UMPS: variants seen among roughly 807,000 people sequenced by gnomAD.
UMPS encodes uridine monophosphate synthetase.
A neutral mutation model predicts 38.9 loss-of-function variants in UMPS; 21 were observed. That is an observed-to-expected ratio of 0.54 (90% CI 0.38 to 0.78). The LOEUF is 0.78. UMPS is among the 30% of genes least tolerant of loss of function. The pLI is 0.00. For missense variants in UMPS, 533 were observed against 591.6 expected, an observed-to-expected ratio of 0.90 and a Z score of 1.03; for synonymous variants, 208 against 219.3, an observed-to-expected ratio of 0.95 and a Z score of 0.45.
chr3:124,734,116 T>C (rs1173584074), intron 1 of UMPS, among the ~76,000 whole-genome samples: 1 of 152,174 alleles, frequency 6.6e-6, no homozygotes, highest in Non-Finnish European at 1.5e-5. Flanking sequence ...TAAGATAATA[T>C]GTTAATATTT....
intron 5 of UMPS, 122 bp from the exon 6 acceptor site, chr3:124,743,793 G>A: frequency 8.0e-7 from 1 of 1,250,636 alleles, no homozygotes; most frequent in Non-Finnish European, 1.1e-6. Context: ...CTGTACAAAA[G>A]GGGAACGAAA....
chr3:124,731,225 C>T (rs542682796), intron 1 of UMPS, among the ~76,000 whole-genome samples: 2 of 151,858 alleles, frequency 1.3e-5, no homozygotes, highest in South Asian at 4.2e-4. Context: ...ACAAATAGAC[C>T]GGGAAAACGT....
At chr3:124,738,325 TC>T (rs1413701458) in intron 3 of UMPS, 86 bp downstream of exon 3, 1 of 1,442,990 alleles carries the variant, frequency 6.9e-7, no homozygotes, top group East Asian at 2.4e-5. Context: ...TCATTGAAAG[TC>T]CATTCATAGA....
At chr3:124,731,397 T>C (rs2150890295) in intron 1 of UMPS, 2 of 274,886 alleles carry the variant, frequency 7.3e-6, no homozygotes, top group African/African-American at 2.2e-5. Context: ...ATTTTGTCCC[T>C]GACTAGCTGC....
intron 3 of UMPS, among the ~76,000 whole-genome samples, chr3:124,739,450 GCCTCCCA>G: frequency 6.6e-6 from 1 of 152,078 alleles, no homozygotes; most frequent in Non-Finnish European, 1.5e-5. Context: ...TCCCACCTCA[GCCTCCCA>G]AGTAGCTGGG....
At chr3:124,735,346 T>G (rs2063510463) in intron 2 of UMPS, 100 bp downstream of exon 2, 1 of 1,158,924 alleles carries the variant, frequency 8.6e-7, no homozygotes. Context: ...CCAGTCATCT[T>G]GAGTTCTTTA....
chr3:124,743,831 G>T (rs1475106636), intron 5 of UMPS, 84 bp from the exon 6 acceptor site: 5 of 1,557,002 alleles, frequency 3.2e-6, no homozygotes, highest in Middle Eastern at 1.7e-4. Context: ...TTTAAAGCTG[G>T]TTAGATACTT....
rs2063593005 is a variant in UMPS, at chr3:124,745,906, A to G, written c.*1822A>G. 5 of 454,048 alleles carry G rather than the reference A, an allele frequency of 1.1e-5. No individual in the cohort carries two copies. Among genetic ancestry groups the G allele is most frequent in the Non-Finnish European group, 2.2e-5 (5 of 226,764 alleles). The allele number at this position is 454,048 out of a possible 1,614,324, so 28.1% of individuals were successfully genotyped here. ...TTTAGCAGGTATCAGAGTCACCTGG[A>G]GTCTTGTCAAAACAGGTACCAGCCC... is the stretch of plus-strand genomic sequence containing the variant. On this transcript the variant is annotated 3_prime_UTR_variant, in exon 6 of 6. Coordinates refer to ENST00000232607, the MANE Select transcript of UMPS (RefSeq NM_000373.4).
chr3:124,736,171 G>A (rs985037626), intron 2 of UMPS, among the ~76,000 whole-genome samples: 4 of 152,154 alleles, frequency 2.6e-5, no homozygotes, highest in African/African-American at 9.7e-5. Context: ...GCTGAGGCAG[G>A]AGGATGCCTT....
At chr3:124,741,846 C>T (rs546660129) in intron 4 of UMPS, among the ~76,000 whole-genome samples, 4 of 152,100 alleles carry the variant, frequency 2.6e-5, no homozygotes, top group African/African-American at 9.6e-5. Flanking sequence ...TCTAAGATGA[C>T]CTGTTTCAGA....
chr3:124,748,916 C>T lies in UMPS; in HGVS notation c.*4832C>T, dbSNP rs1394044969. ...ACCTGGTGGGCCTGAGAGTCTCAATCGTCAGGTAAGGACAGTCAGTGGGAA... is the reference window on the plus strand; with the variant it reads ...ACCTGGTGGGCCTGAGAGTCTCAATTGTCAGGTAAGGACAGTCAGTGGGAA... On this transcript the variant is annotated 3_prime_UTR_variant, in exon 6 of 6. Coordinates refer to ENST00000232607, the MANE Select transcript of UMPS (RefSeq NM_000373.4). The T allele has an allele frequency of 6.7e-6, 3 of 446,326 alleles. No individual in the cohort carries two copies. The highest frequency in any genetic ancestry group is 7.0e-5 in the East Asian group (1 of 14,258). The allele number at this position is 446,326 out of a possible 1,614,324, so 27.6% of individuals were successfully genotyped here.
At position 124,746,451 on chromosome 3, in the gene UMPS, C is replaced by T; in HGVS notation, c.*2367C>T. ...GCAGGCCTCTTACCTAAGCAGAATC[C>T]CAGTCTGGCATCAAAGCTTTAGAGG... On this transcript the variant is annotated 3_prime_UTR_variant, in exon 6 of 6. Transcript: ENST00000232607. The T allele has an allele frequency of 2.2e-6, 1 of 454,126 alleles. No individual in the cohort carries two copies. Among genetic ancestry groups the T allele is most frequent in the South Asian group, 1.6e-5 (1 of 64,480 alleles). The allele number at this position is 454,126 out of a possible 1,614,324, so 28.1% of individuals were successfully genotyped here.
Position 124,744,887 on chromosome 3 carries a change from C to G in UMPS, c.*803C>G, listed in dbSNP as rs913483960. The G allele has an allele frequency of 6.6e-6, 3 of 453,988 alleles. No homozygotes were observed. Among genetic ancestry groups the G allele is most frequent in the African/African-American group, 2.0e-5 (1 of 50,004 alleles). The allele number at this position is 453,988 out of a possible 1,614,324, so 28.1% of individuals were successfully genotyped here. ...TATCCACATGGGCTGGTTCCCAGAACTGCCATTGCTCACTCTCCAAAGAGG... is the reference window on the plus strand; with the variant it reads ...TATCCACATGGGCTGGTTCCCAGAAGTGCCATTGCTCACTCTCCAAAGAGG... On this transcript the variant is annotated 3_prime_UTR_variant, in exon 6 of 6. Transcript: ENST00000232607.
chr3:124,746,110 T>C lies in UMPS; in HGVS notation c.*2026T>C. ...GACAGCCTTGAGGTCTGCCTCCTGC[T>C]AAGAGTCACATGCTCCTGTCCTTTA... On this transcript the variant is annotated 3_prime_UTR_variant, in exon 6 of 6. Transcript: ENST00000232607. The C allele has an allele frequency of 2.2e-6, 1 of 454,082 alleles. No homozygotes were observed. Among genetic ancestry groups the C allele is most frequent in the Non-Finnish European group, 4.4e-6 (1 of 226,744 alleles). 28.1% of individuals were successfully genotyped at this position (454,082 alleles called of 1,614,324 possible).
In UMPS at chr3:124,748,549, C is replaced by T. The variant is rs2063620399; in HGVS notation, c.*4465C>T. The T allele has an allele frequency of 2.2e-6, 1 of 454,016 alleles. No individual in the cohort carries two copies. Among genetic ancestry groups the T allele is most frequent in the Non-Finnish European group, 4.4e-6 (1 of 226,810 alleles). The allele number at this position is 454,016 out of a possible 1,614,324, so 28.1% of individuals were successfully genotyped here. ...CCTTCCCACCAAGGGGGAAAGTCTT[C>T]CTCTAGACAAGAGGCAGAGGGCTCC... On this transcript the variant is annotated 3_prime_UTR_variant, in exon 6 of 6. Transcript: ENST00000232607.
intron 5 of UMPS, 124 bp from the exon 6 acceptor site, chr3:124,743,791 A>T: frequency 8.2e-7 from 1 of 1,223,154 alleles, no homozygotes; most frequent in Non-Finnish European, 1.2e-6. Context: ...TGCTGTACAA[A>T]AGGGGAACGA....
In UMPS at chr3:124,747,080, C is replaced by G; in HGVS notation, c.*2996C>G. 2.2e-6 allele frequency: 1 copy of G among 453,582 alleles called. No homozygotes were observed. Among genetic ancestry groups the G allele is most frequent in the Non-Finnish European group, 4.4e-6 (1 of 226,486 alleles). The allele number at this position is 453,582 out of a possible 1,614,324, so 28.1% of individuals were successfully genotyped here. On this transcript the variant is annotated 3_prime_UTR_variant, in exon 6 of 6. Transcript: ENST00000232607. ...TGGAGTATATCATGGCTCACTGCAA[C>G]CTTGACTTGGGCTCAAGCGATCCGC...
At chr3:124,743,799 C>T (rs17843844) in intron 5 of UMPS, 116 bp from the exon 6 acceptor site, 41,749 of 1,338,132 alleles carry the variant, frequency 0.031, 791 homozygotes, top group Non-Finnish European at 0.038. Flanking sequence ...AAAAGGGGAA[C>T]GAAAGTAGGG....
chr3:124,735,130 G>T lies in UMPS; in HGVS notation c.194G>T (p.Gly65Val). The change falls in exon 2 of 6, where the codon GGC (glycine) becomes GTC (valine). Residue 65 changes from glycine (G) to valine (V), a missense_variant. By Grantham distance (109) the Gly-to-Val change is moderately radical (BLOSUM62 -3). Transcript: ENST00000232607. Reference sequence around the variant, plus strand: ...TTATTCCAAACTGCCCAAAATGCAGGCATCAGTTTTGACACCGTGTGTGGA... The same window carrying T: ...TTATTCCAAACTGCCCAAAATGCAGTCATCAGTTTTGACACCGTGTGTGGA... Reference protein sequence around the residue: ...DILFQTAQNAGISFDTVCGVP... With the variant: ...DILFQTAQNAVISFDTVCGVP... 6.2e-7 allele frequency: 1 copy of T among 1,613,912 alleles called. No homozygotes were observed. The highest frequency in any genetic ancestry group is 8.5e-7 in the Non-Finnish European group (1 of 1,179,886).
Sources: allele counts gnomAD v4.1 joint callset (sites outside exome capture counted in the v4.1 genomes callset), GRCh38; gene constraint gnomAD v4.1.1; transcripts MANE v1.5; gene names NCBI Gene and HGNC (gene_info 2026-07-23, HGNC 2026-07-21).